Variants in HOATZ observed in about 807,000 individuals in gnomAD.
The protein encoded by HOATZ is cilia- and flagella-associated protein HOATZ.
In HOATZ, 26 loss-of-function variants were observed where a neutral mutation model predicts 24.9. That is an observed-to-expected ratio of 1.04 (90% CI 0.76 to 1.45). The LOEUF (loss-of-function observed/expected upper bound fraction) is 1.45, where lower values mean the gene tolerates loss of function less well. HOATZ is among the 40% of genes most tolerant of loss of function. The pLI is 0.00. For missense variants in HOATZ, 226 were observed against 201.5 expected, an observed-to-expected ratio of 1.12 and a Z score of -0.74; for synonymous variants, 83 against 76.6, an observed-to-expected ratio of 1.08 and a Z score of -0.43.
intron 3 of HOATZ, among the ~76,000 whole-genome samples, chr11:111,520,140 T>G (rs923863450): frequency 2.0e-5 from 3 of 152,204 alleles, no homozygotes. Flanking sequence ...CCATCATTCC[T>G]CCTTTGAGAG....
intron 3 of HOATZ, among the ~76,000 whole-genome samples, chr11:111,522,174 T>C (rs865903344): frequency 6.6e-5 from 10 of 152,354 alleles, no homozygotes; most frequent in Middle Eastern, 3.4e-3. Flanking sequence ...GAGATAATAT[T>C]GGGCAAGGAT....
intron 5 of HOATZ, 139 bp from the exon 6 acceptor site, chr11:111,536,631 T>C (rs2135783991): frequency 7.4e-6 from 5 of 673,164 alleles, no homozygotes; most frequent in Admixed American, 2.2e-5. Context: ...AAGTTTATAC[T>C]TGGTTGCAAA....
chr11:111,535,478 G>A (rs988543897), intron 5 of HOATZ: 2 of 152,190 alleles, frequency 1.3e-5, no homozygotes, highest in Admixed American at 1.3e-4. Flanking sequence ...GAACATTCCT[G>A]CTACTACCCA....
chr11:111,518,682 A>G (rs1450322154), intron 3 of HOATZ, among the ~76,000 whole-genome samples: 1 of 152,254 alleles, frequency 6.6e-6, no homozygotes, highest in Non-Finnish European at 1.5e-5. Context: ...TTGTTCAAGT[A>G]TGCTGCCAAA....
At position 111,523,212 on chromosome 11, in the gene HOATZ, T is replaced by A. The variant is rs1163113840; in HGVS notation, c.339+7102T>A. On this transcript the variant is annotated intron_variant, in intron 3 of 5. Transcript: ENST00000375618. The stretch of plus-strand genomic sequence containing the variant: ...TTTCATGCTAAGTGTTCACTTTTTT[T>A]TTTTTTTTTTTTTTTTGGTGACTTT... Among the ~76,000 whole-genome samples the A allele has an allele frequency of 6.0e-5, 9 of 149,940 alleles. 1 individual carries two copies. The highest frequency in any genetic ancestry group is 2.7e-4 in the Admixed American group (4 of 14,614).
At chr11:111,529,736 T>C (rs1233325475) in intron 3 of HOATZ, among the ~76,000 whole-genome samples, 1 of 152,156 alleles carries the variant, frequency 6.6e-6, no homozygotes, top group African/African-American at 2.4e-5. Flanking sequence ...AGTTTGTATA[T>C]GGGAACCAGG....
At chr11:111,519,191 A>G in intron 3 of HOATZ, 1 of 296,406 alleles carries the variant, frequency 3.4e-6, no homozygotes, top group South Asian at 3.2e-5. Flanking sequence ...GATGTAAGGT[A>G]TGTGAAGTGC....
chr11:111,530,005 G>A (rs950639380), intron 3 of HOATZ, among the ~76,000 whole-genome samples: 5 of 152,052 alleles, frequency 3.3e-5, no homozygotes, highest in Admixed American at 1.3e-4. Flanking sequence ...TAGACAAAAA[G>A]CAGACAATCT....
At chr11:111,517,557 C>T (rs1867219757) in intron 3 of HOATZ, among the ~76,000 whole-genome samples, 1 of 152,138 alleles carries the variant, frequency 6.6e-6, no homozygotes, top group African/African-American at 2.4e-5. Context: ...TATTGAGAAC[C>T]TGCAAGTACT....
rs1316256846 is a variant in HOATZ at position 111,515,527 on chromosome 11, G to C, written c.243G>C (p.Ser81=). The change falls in exon 2 of 6, where the codon TCG becomes TCC. Residue 81 remains serine (S), a synonymous_variant. Transcript: ENST00000375618. ...ATTTTTTAGAAAACAGCCACTCCTC[G>C]CAGTCTTTTCACCTTGCGAGTAACA... ...RSRGSENSHS[S]QSFHLASNKN... 1 of 1,613,390 alleles carries C rather than the reference G, an allele frequency of 6.2e-7. No individual in the cohort carries two copies. The highest frequency in any genetic ancestry group is 8.5e-7 in the Non-Finnish European group (1 of 1,179,428).
chr11:111,514,805 A>G lies in HOATZ; in HGVS notation c.21A>G (p.Glu7=), dbSNP rs780324163. 2.5e-6 allele frequency: 4 copies of G among 1,614,004 alleles called. No homozygotes were observed. The highest frequency in any genetic ancestry group is 1.3e-5 in the African/African-American group (1 of 75,022). ...TTGCCATGGAAACGGGACCCAGCGA[A>G]GAACCTAGCGGCCGAAAAGAGTCCC... METGPS[E]EPSGRKESQE... Residue 7 remains glutamate (E), a synonymous_variant, in exon 1 of 6, where the codon GAA becomes GAG. Transcript: ENST00000375618.
intron 3 of HOATZ, among the ~76,000 whole-genome samples, chr11:111,523,259 G>A (rs1867292522): frequency 7.7e-6 from 1 of 130,564 alleles, no homozygotes; most frequent in Admixed American, 8.8e-5. Flanking sequence ...CGGCCTTAAA[G>A]TGCTAATGTT....
chr11:111,530,593 A>T (rs1335402320), intron 3 of HOATZ, among the ~76,000 whole-genome samples: 1 of 152,206 alleles, frequency 6.6e-6, no homozygotes, highest in Non-Finnish European at 1.5e-5. Flanking sequence ...ATAAGTCACT[A>T]GTCAATGGTC....
At position 111,514,944 on chromosome 11, in the gene HOATZ, C is replaced by G. The variant is rs1418978419; in HGVS notation, c.160C>G (p.Leu54Val). ...ASMYPPSESQ[L>V]VLRRDSSQRL... ...GATGTATCCCCCTAGCGAATCTCAG[C>G]TGGTGCTGCGCAGAGACAGCAGTCA... Residue 54 changes from leucine to valine, a missense_variant, in exon 1 of 6, where the codon CTG becomes GTG. Physicochemically the swap from Leu to Val is conservative, Grantham distance 32. Coordinates refer to ENST00000375618, the MANE Select transcript of HOATZ (RefSeq NM_001100388.2). 1.2e-6 allele frequency: 2 copies of G among 1,613,924 alleles called. No individual in the cohort carries two copies. Among genetic ancestry groups the G allele is most frequent in the African/African-American group, 2.7e-5 (2 of 74,934 alleles).
chr11:111,524,893 ACT>A (rs1565249169), intron 3 of HOATZ: 1 of 447,548 alleles, frequency 2.2e-6, no homozygotes, highest in Non-Finnish European at 4.5e-6. Context: ...ACAAGGTCTC[ACT>A]CTGTCACCCA....
At chr11:111,531,552 C>T (rs974570693) in intron 3 of HOATZ, among the ~76,000 whole-genome samples, 1 of 152,168 alleles carries the variant, frequency 6.6e-6, no homozygotes, top group Non-Finnish European at 1.5e-5. Context: ...CATTGAATAC[C>T]TGCATTGAAA....
intron 3 of HOATZ, chr11:111,519,133 C>A: frequency 2.5e-6 from 1 of 407,500 alleles, no homozygotes; most frequent in Non-Finnish European, 4.9e-6. Flanking sequence ...TCAGCTTCCT[C>A]ATATATAAAA....
chr11:111,520,865 T>C (rs2135775092), intron 3 of HOATZ, among the ~76,000 whole-genome samples: 1 of 152,358 alleles, frequency 6.6e-6, no homozygotes, highest in Non-Finnish European at 1.5e-5. Flanking sequence ...ACATAACTTT[T>C]ATTACAGTAT....
At chr11:111,534,609 T>C (rs1012208036) in intron 5 of HOATZ, 145 bp downstream of exon 5, 4 of 694,138 alleles carry the variant, frequency 5.8e-6, no homozygotes, top group Admixed American at 2.4e-5. Context: ...GAATAAACTT[T>C]CTTCTCCGCA....
Sources: gnomAD v4.1 joint callset for allele counts (sites outside exome capture counted in the v4.1 genomes callset) on GRCh38, gnomAD v4.1.1 for gene constraint, MANE v1.5 for transcripts, NCBI Gene and HGNC (gene_info 2026-07-23, HGNC 2026-07-21) for gene names.